The following CDH20 variants were observed in gnomAD, a reference collection of about 807,000 sequenced individuals.
CDH20 encodes the protein cadherin-20.
Under a neutral mutation model 74.2 loss-of-function variants are expected in CDH20, and 29 were observed. The observed-to-expected ratio is 0.39, with a 90% CI of 0.29 to 0.53. The LOEUF (loss-of-function observed/expected upper bound fraction) is 0.53. Ranked by LOEUF, CDH20 falls within the 20% of genes least tolerant of loss-of-function variation. CDH20 has a pLI of 0.69. For synonymous variants in CDH20, 469 were observed against 405.4 expected (o/e 1.16, Z -1.88); for missense variants, 988 against 1,048.3 (o/e 0.94, Z 0.79).
intron 1 of CDH20, among the ~76,000 whole-genome samples, chr18:61,418,782 A>T (rs1484083909): frequency 6.6e-6 from 1 of 152,154 alleles, no homozygotes; most frequent in African/African-American, 2.4e-5. Flanking sequence ...ATTTATACAA[A>T]TAAGGAGCCC....
intron 9 of CDH20, among the ~76,000 whole-genome samples, chr18:61,541,119 G>A (rs970186832): frequency 6.6e-6 from 1 of 152,002 alleles, no homozygotes; most frequent in Admixed American, 6.5e-5. Context: ...AAAGAAGGGA[G>A]GTATAAAAAC....
At chr18:61,478,313 TG>T (rs1402821120) in intron 1 of CDH20, among the ~76,000 whole-genome samples, 2 of 152,226 alleles carry the variant, frequency 1.3e-5, no homozygotes, top group Non-Finnish European at 2.9e-5. Context: ...ATATTTTAAA[TG>T]TTGAGCATAA....
chr18:61,431,456 T>C (rs1913252723), intron 1 of CDH20, among the ~76,000 whole-genome samples: 1 of 152,192 alleles, frequency 6.6e-6, no homozygotes, highest in Non-Finnish European at 1.5e-5. Flanking sequence ...ATTAAGTCCA[T>C]TAAAGTATGG....
chr18:61,554,698 G>C lies in CDH20; in HGVS notation c.*3G>C. 8 of 1,555,284 alleles carry C rather than the reference G, an allele frequency of 5.1e-6. No individual in the cohort carries two copies. The highest frequency in any genetic ancestry group is 7.0e-6 in the Non-Finnish European group (8 of 1,150,334). On this transcript the variant is annotated 3_prime_UTR_variant, in exon 12 of 12. Transcript: ENST00000262717. ...AGGGACCCGCGCCGCTGTGGTGACG[G>C]AAGCCAGGAGGCAGGCGCGCGTCCA...
chr18:61,461,759 G>A (rs1193436160), intron 1 of CDH20, among the ~76,000 whole-genome samples: 1 of 152,188 alleles, frequency 6.6e-6, no homozygotes, highest in Non-Finnish European at 1.5e-5. Flanking sequence ...CCCTGTTACA[G>A]AATTTTCTGG....
intron 7 of CDH20, among the ~76,000 whole-genome samples, chr18:61,531,070 G>C (rs574623048): frequency 1.3e-5 from 2 of 151,768 alleles, no homozygotes; most frequent in South Asian, 4.2e-4. Flanking sequence ...TTTTCCATCT[G>C]TATCTACACC....
intron 1 of CDH20, among the ~76,000 whole-genome samples, chr18:61,354,817 T>C (rs1337136969): frequency 2.0e-5 from 3 of 152,254 alleles, no homozygotes; most frequent in Non-Finnish European, 4.4e-5. Flanking sequence ...TATTTTGGGC[T>C]ATTCTATTCT....
intron 2 of CDH20, among the ~76,000 whole-genome samples, chr18:61,497,956 G>A (rs533397648): frequency 6.6e-6 from 1 of 152,262 alleles, no homozygotes; most frequent in Admixed American, 6.5e-5. Flanking sequence ...TTTAGAAAGA[G>A]ACCATTACCT....
Position 61,500,459 on chromosome 18 carries a change from C to T in CDH20, c.618C>T (p.Ser206=). 1.2e-6 allele frequency: 2 copies of T among 1,612,676 alleles called. No homozygotes were observed. Among genetic ancestry groups the T allele is most frequent in the Non-Finnish European group, 1.7e-6 (2 of 1,179,052 alleles). The part of the protein sequence containing the change: ...TYGNSARVVY[S]ILQGQPYFSV... ...GCAACAGTGCCAGGGTGGTGTACAG[C>T]ATTCTTCAGGGCCAGCCATATTTTT... Residue 206 remains serine (S), a synonymous_variant, in exon 4 of 12, where the codon AGC becomes AGT. Coordinates refer to ENST00000262717, the MANE Select transcript of CDH20 (RefSeq NM_031891.4).
At chr18:61,537,839 T>C (rs1302441122) in intron 8 of CDH20, among the ~76,000 whole-genome samples, 1 of 152,144 alleles carries the variant, frequency 6.6e-6, no homozygotes, top group Admixed American at 6.5e-5. Context: ...TAGAGCATAA[T>C]TTTTTGGGAA....
intron 1 of CDH20, among the ~76,000 whole-genome samples, chr18:61,473,525 G>C (rs906249527): frequency 6.4e-5 from 9 of 140,954 alleles, no homozygotes; most frequent in African/African-American, 2.6e-4. Context: ...GGGATTATAG[G>C]GGAAAAAATA....
At chr18:61,465,589 T>C (rs1385383835) in intron 1 of CDH20, among the ~76,000 whole-genome samples, 1 of 122,068 alleles carries the variant, frequency 8.2e-6, no homozygotes, top group Non-Finnish European at 1.7e-5. Flanking sequence ...TCAGAAAGAA[T>C]TACATGGGGA....
At chr18:61,351,329 G>A (rs563767840) in intron 1 of CDH20, among the ~76,000 whole-genome samples, 1 of 152,060 alleles carries the variant, frequency 6.6e-6, no homozygotes, top group African/African-American at 2.4e-5. Context: ...AGTCTCAGGT[G>A]GGGGTTCAGC....
chr18:61,376,132 C>A lies in CDH20; in HGVS notation c.-153+42305C>A, dbSNP rs561960578. Among the ~76,000 whole-genome samples the A allele has an allele frequency of 1.2e-3, 179 of 152,044 alleles. 13 individuals are homozygous for A. The highest frequency in any genetic ancestry group is 7.7e-4 in the Non-Finnish European group (52 of 67,936). ...TGCAGAGAATATTATAGAATTTGAG[C>A]CCCCTAGTAGTCTAGTGACTAGGAT... is the stretch of plus-strand genomic sequence containing the variant. On this transcript the variant is annotated intron_variant, in intron 1 of 11. Transcript: ENST00000262717.
intron 3 of CDH20, among the ~76,000 whole-genome samples, chr18:61,500,102 T>TAAAAAAAAAAAAAAAAA (rs534695760): frequency 3.5e-5 from 2 of 56,576 alleles, no homozygotes; most frequent in Non-Finnish European, 7.4e-5. Context: ...GACTCCATCT[T>TAAAAAAAAAAAAAAAAA]AAAAAAAAAA....
At position 61,532,942 on chromosome 18, in the gene CDH20, T is replaced by G. The variant is rs190311633; in HGVS notation, c.1272-3551T>G. 2.6e-5 allele frequency among the ~76,000 whole-genome samples: 4 copies of G among 152,300 alleles called. 1 individual carries two copies. Among genetic ancestry groups the G allele is most frequent in the Admixed American group, 2.6e-4 (4 of 15,296 alleles). On this transcript the variant is annotated intron_variant, in intron 7 of 11. Transcript: ENST00000262717. ...CACAGTAGTTATAACTCCATAAAGA[T>G]GGCTTCAAGTCTTACCTCTTAAATT...
intron 1 of CDH20, among the ~76,000 whole-genome samples, chr18:61,335,628 T>G (rs1909732635): frequency 6.6e-6 from 1 of 152,226 alleles, no homozygotes; most frequent in Non-Finnish European, 1.5e-5. Context: ...TTTTCAGTGC[T>G]TCTGATTTTC....
chr18:61,490,850 T>C (rs1910936714), intron 2 of CDH20, 51 bp downstream of exon 2: 1 of 1,590,818 alleles, frequency 6.3e-7, no homozygotes, highest in Non-Finnish European at 8.6e-7. Context: ...TGAAATTGAA[T>C]ATGAATTGAG....
chr18:61,523,163 A>G (rs1182657723), intron 6 of CDH20, among the ~76,000 whole-genome samples: 2 of 151,806 alleles, frequency 1.3e-5, no homozygotes, highest in Admixed American at 6.6e-5. Flanking sequence ...CAATCTATCC[A>G]TCTGACAAAG....
Sources: allele counts gnomAD v4.1 joint callset (sites outside exome capture counted in the v4.1 genomes callset), GRCh38; gene constraint gnomAD v4.1.1; transcripts MANE v1.5; gene names NCBI Gene and HGNC (gene_info 2026-07-23, HGNC 2026-07-21).